Variants in SEC13 observed in about 807,000 individuals in gnomAD.
SEC13 encodes the protein protein SEC13 homolog.
SEC13 carries 25 observed loss-of-function variants against 49.2 expected under a neutral mutation model. The observed-to-expected ratio is 0.51, with a 90% CI of 0.37 to 0.71. SEC13 has a LOEUF of 0.71. Ranked by LOEUF, SEC13 falls within the 30% of genes least tolerant of loss-of-function variation. SEC13 has a pLI of 0.00. For missense variants in SEC13, 383 were observed against 417.6 expected (o/e 0.92, Z 0.72); for synonymous variants, 148 against 163.9 (o/e 0.90, Z 0.74).
intron 5 of SEC13, among the ~76,000 whole-genome samples, chr3:10,311,087 T>C (rs569694713): frequency 6.6e-6 from 1 of 152,200 alleles, no homozygotes; most frequent in Non-Finnish European, 1.5e-5. Flanking sequence ...CTGTGTGTTC[T>C]CCCTGTGTCT....
chr3:10,304,111 A>T lies in SEC13; in HGVS notation c.770T>A (p.Leu257Ter). The change falls in exon 8 of 9, where the codon TTG becomes TAG. Residue 257 changes from leucine (L) to a stop codon, truncating the protein, a stop_gained. Coordinates refer to ENST00000350697, the MANE Select transcript of SEC13 (RefSeq NM_183352.3). LOFTEE classifies it high-confidence loss of function. ...DASSNTWSPK[L>*]LHKFNDVVWH... The stretch of plus-strand genomic sequence containing the variant: ...CACCACATCGTTGAACTTGTGCAAC[A>T]ATTTAGGGGACCACGTATTGCTTGA... 7 of 1,614,164 alleles carry T rather than the reference A, an allele frequency of 4.3e-6. No individual in the cohort carries two copies. Among genetic ancestry groups the T allele is most frequent in the African/African-American group, 1.3e-5 (1 of 75,026 alleles).
At chr3:10,316,898 G>C (rs537262023) in intron 2 of SEC13, among the ~76,000 whole-genome samples, 1 of 151,460 alleles carries the variant, frequency 6.6e-6, no homozygotes, top group South Asian at 2.1e-4. Context: ...CTACTCGGGA[G>C]TCTGGGGCAG....
intron 3 of SEC13, chr3:10,314,064 A>G (rs979467453): frequency 1.3e-5 from 2 of 152,312 alleles, no homozygotes; most frequent in African/African-American, 4.8e-5. Flanking sequence ...ACTAATGTAC[A>G]AAACACACAG....
At chr3:10,313,038 C>T in intron 3 of SEC13, 1 of 330,800 alleles carries the variant, frequency 3.0e-6, no homozygotes, top group Non-Finnish European at 5.7e-6. Flanking sequence ...TCTGTATGTG[C>T]TGTCTACAGC....
intron 4 of SEC13, 31 bp downstream of exon 4, chr3:10,312,548 C>T (rs1701340959): frequency 3.1e-6 from 5 of 1,611,916 alleles, no homozygotes; most frequent in Non-Finnish European, 4.2e-6. Context: ...CAGTGGTCCC[C>T]TTGCCCGCTC....
At chr3:10,308,148 C>T (rs1701004749) in intron 5 of SEC13, among the ~76,000 whole-genome samples, 1 of 152,044 alleles carries the variant, frequency 6.6e-6, no homozygotes, top group Non-Finnish European at 1.5e-5. Context: ...AAAAATATAT[C>T]CTGTAGGATC....
At chr3:10,314,792 T>C (rs543816047) in intron 3 of SEC13, among the ~76,000 whole-genome samples, 2 of 152,328 alleles carry the variant, frequency 1.3e-5, no homozygotes, top group East Asian at 1.9e-4. Context: ...CACGGGCATA[T>C]AGGCAGAACA....
At chr3:10,305,234 C>T in intron 6 of SEC13, 78 bp from the exon 7 acceptor site, 6 of 1,513,858 alleles carry the variant, frequency 4.0e-6, no homozygotes, top group Non-Finnish European at 4.4e-6. Flanking sequence ...ACAGGCTCTG[C>T]CTGGGGTGGA....
chr3:10,301,178 C>G lies in SEC13; in HGVS notation c.*83G>C. The stretch of plus-strand genomic sequence containing the variant: ...AAAATAATCCTGTTGGAGTTGGGGG[C>G]TCTTCCCAGTTGTCTGGTTAGTTGG... On this transcript the variant is annotated 3_prime_UTR_variant, in exon 9 of 9. Coordinates refer to ENST00000350697, the MANE Select transcript of SEC13 (RefSeq NM_183352.3). 1 of 1,613,894 alleles carries G rather than the reference C, an allele frequency of 6.2e-7. No individual in the cohort carries two copies. The highest frequency in any genetic ancestry group is 1.1e-5 in the South Asian group (1 of 91,084).
chr3:10,310,393 A>G (rs1045797571), intron 5 of SEC13, among the ~76,000 whole-genome samples: 1 of 152,156 alleles, frequency 6.6e-6, no homozygotes, highest in African/African-American at 2.4e-5. Flanking sequence ...CAAGAGGCTG[A>G]GGCATGAGAA....
In SEC13 at chr3:10,305,769, T is replaced by C. The variant is rs150369851; in HGVS notation, c.451-77A>G. Reference sequence around the variant, plus strand: ...TGCAGACCCAAGCCTGCTGTCCCTCTCCCCTCCGCTTCTCAGGACTGGAGT... The same window carrying C: ...TGCAGACCCAAGCCTGCTGTCCCTCCCCCCTCCGCTTCTCAGGACTGGAGT... On this transcript the variant is annotated intron_variant, in intron 5 of 8. Transcript: ENST00000350697. 1.5e-3 allele frequency: 2,369 copies of C among 1,528,558 alleles called. 21 individuals carry two copies. The African/African-American group carries it at 0.028, about 18-fold the overall frequency. 94.7% of individuals were successfully genotyped at this position (1,528,558 alleles called of 1,614,324 possible).
intron 2 of SEC13, among the ~76,000 whole-genome samples, chr3:10,316,312 T>C (rs934070789): frequency 1.3e-5 from 2 of 152,192 alleles, no homozygotes; most frequent in African/African-American, 2.4e-5. Context: ...GACTATCAGC[T>C]GCACTCCCAT....
chr3:10,319,816 GAGGAAAGAGGGA>G (rs2059737819), intron 1 of SEC13, among the ~76,000 whole-genome samples: 5 of 16,856 alleles, frequency 3.0e-4, no homozygotes, highest in Non-Finnish European at 5.3e-4. Flanking sequence ...GGGGGGGGGG[GAGGAAAGAGGGA>G]GGGGGAGAGA....
chr3:10,309,696 T>C (rs1343539978), intron 5 of SEC13, among the ~76,000 whole-genome samples: 1 of 152,262 alleles, frequency 6.6e-6, no homozygotes, highest in Non-Finnish European at 1.5e-5. Context: ...GTCTTTCTAA[T>C]GTGCTCTCAT....
At chr3:10,306,190 T>C (rs1700865388) in intron 5 of SEC13, among the ~76,000 whole-genome samples, 2 of 152,214 alleles carry the variant, frequency 1.3e-5, no homozygotes, top group African/African-American at 4.8e-5. Flanking sequence ...CATTAAACAT[T>C]TTTTTGGATG....
At chr3:10,305,760 C>CT (rs1700834582) in intron 5 of SEC13, 68 bp from the exon 6 acceptor site, 24 of 1,571,392 alleles carry the variant, frequency 1.5e-5, no homozygotes, top group Non-Finnish European at 1.8e-5. Context: ...CCCAAGCCTG[C>CT]TGTCCCTCTC....
At chr3:10,305,185 C>G (rs1349285483) in intron 6 of SEC13, 29 bp from the exon 7 acceptor site, 7 of 1,587,206 alleles carry the variant, frequency 4.4e-6, no homozygotes, top group Non-Finnish European at 5.2e-6. Context: ...AGAGAATCAG[C>G]AGGGGGCCGT....
chr3:10,306,443 T>C (rs2125251292), intron 5 of SEC13, among the ~76,000 whole-genome samples: 1 of 152,350 alleles, frequency 6.6e-6, no homozygotes, highest in South Asian at 2.1e-4. Flanking sequence ...GTCTCTTATA[T>C]TAACAGCTGT....
intron 1 of SEC13, chr3:10,319,296 TA>T: frequency 6.3e-7 from 1 of 1,592,830 alleles, no homozygotes; most frequent in Non-Finnish European, 8.5e-7. Flanking sequence ...CTAGACTCTC[TA>T]AAAACCAGGT....
Sources: allele counts gnomAD v4.1 joint callset (sites outside exome capture counted in the v4.1 genomes callset), GRCh38; gene constraint gnomAD v4.1.1; transcripts MANE v1.5; gene names NCBI Gene and HGNC (gene_info 2026-07-23, HGNC 2026-07-21).